DNAH11: variants seen among roughly 807,000 people sequenced by gnomAD.
DNAH11 encodes dynein axonemal heavy chain 11, also known as axonemal beta dynein heavy chain 11.
DNAH11 carries 442 observed loss-of-function variants against 526.0 expected under a neutral mutation model. The observed-to-expected ratio is 0.84, with a 90% confidence interval of 0.78 to 0.91. The LOEUF is 0.91. Ranked by LOEUF, DNAH11 falls within the 40% of genes least tolerant of loss-of-function variation. The pLI is 0.00. For synonymous variants in DNAH11, 2,461 were observed against 1,935.9 expected (o/e 1.27, Z -7.12); for missense variants, 6,989 against 5,448.7 (o/e 1.28, Z -8.90).
At chr7:21,717,131 A>C (rs906141067) in intron 42 of DNAH11, among the ~76,000 whole-genome samples, 11 of 152,202 alleles carry the variant, frequency 7.2e-5, no homozygotes, top group African/African-American at 2.4e-4. Flanking sequence ...TGTTTTACTG[A>C]TAAGTATTAT....
intron 11 of DNAH11, 44 bp from the exon 12 acceptor site, chr7:21,589,164 A>C (rs1414084416): frequency 7.1e-7 from 1 of 1,415,384 alleles, no homozygotes; most frequent in Non-Finnish European, 9.6e-7. Flanking sequence ...GCGGAAATCT[A>C]TCTAATATAC....
In DNAH11 at chr7:21,564,342, C is replaced by T. The variant is rs369736250; in HGVS notation, c.1139C>T (p.Thr380Ile). 5.6e-6 allele frequency: 9 copies of T among 1,613,416 alleles called. No individual in the cohort carries two copies. Among genetic ancestry groups the T allele is most frequent in the East Asian group, 2.2e-5 (1 of 44,868 alleles). ...LIWSHSKFYN[T>I]PARVIVLLQE... Reference sequence around the variant, plus strand: ...TGGAGTCATTCCAAGTTTTATAACACCCCAGCTCGGGTTATAGTTTTATTG... The same window carrying T: ...TGGAGTCATTCCAAGTTTTATAACATCCCAGCTCGGGTTATAGTTTTATTG... Residue 380 changes from threonine to isoleucine, a missense_variant, in exon 6 of 82, where the codon ACC (threonine) becomes ATC (isoleucine). Transcript: ENST00000409508.
intron 28 of DNAH11, among the ~76,000 whole-genome samples, chr7:21,653,106 C>T (rs1781858837): frequency 6.6e-6 from 1 of 152,116 alleles, no homozygotes; most frequent in Non-Finnish European, 1.5e-5. Context: ...GAACTCCTGA[C>T]CTCAGGTGAT....
chr7:21,801,561 A>T (rs574814521), intron 62 of DNAH11, among the ~76,000 whole-genome samples: 1 of 152,334 alleles, frequency 6.6e-6, no homozygotes, highest in African/African-American at 2.4e-5. Flanking sequence ...CCACTTTAAG[A>T]CAATGGAGTA....
intron 25 of DNAH11, among the ~76,000 whole-genome samples, chr7:21,631,691 C>A (rs896079634): frequency 6.6e-6 from 1 of 152,204 alleles, no homozygotes; most frequent in African/African-American, 2.4e-5. Context: ...AGGTGGGTTC[C>A]CACAGTCTTG....
chr7:21,551,146 A>C (rs1241546461), intron 2 of DNAH11, among the ~76,000 whole-genome samples: 2 of 152,096 alleles, frequency 1.3e-5, no homozygotes, highest in Non-Finnish European at 2.9e-5. Flanking sequence ...TCCCATCAAG[A>C]AGTACCCATT....
At chr7:21,873,221 T>C in intron 73 of DNAH11, 53 bp from the exon 74 acceptor site, 1 of 1,379,828 alleles carries the variant, frequency 7.2e-7, no homozygotes. Context: ...AATCTTATAA[T>C]TCAAGTAATA....
chr7:21,677,677 G>A (rs1022297881), intron 30 of DNAH11, among the ~76,000 whole-genome samples: 4 of 152,158 alleles, frequency 2.6e-5, no homozygotes, highest in African/African-American at 4.8e-5. Flanking sequence ...GAGCCATCAC[G>A]GCCAGCCTGT....
intron 30 of DNAH11, among the ~76,000 whole-genome samples, chr7:21,672,053 T>G (rs1051337645): frequency 6.6e-6 from 1 of 152,212 alleles, no homozygotes; most frequent in Non-Finnish European, 1.5e-5. Flanking sequence ...GGTCTCTTTG[T>G]CATTTCCTTT....
At chr7:21,628,515 A>T (rs1000542623) in intron 25 of DNAH11, among the ~76,000 whole-genome samples, 16 of 152,116 alleles carry the variant, frequency 1.1e-4, no homozygotes, top group Admixed American at 3.3e-4. Flanking sequence ...GTTGAATTTT[A>T]TCAAATGTCT....
chr7:21,696,796 A>G (rs1047693517), intron 35 of DNAH11, among the ~76,000 whole-genome samples: 2 of 152,206 alleles, frequency 1.3e-5, no homozygotes, highest in African/African-American at 4.8e-5. Flanking sequence ...TAAAATGAAG[A>G]TAAGAGGAGT....
At chr7:21,661,537 C>A (rs1420149235) in intron 30 of DNAH11, among the ~76,000 whole-genome samples, 1 of 151,510 alleles carries the variant, frequency 6.6e-6, no homozygotes, top group Non-Finnish European at 1.5e-5. Context: ...ATTATTTTTC[C>A]ATTGTAAGCT....
At chr7:21,621,511 C>T (rs1326270207) in intron 25 of DNAH11, among the ~76,000 whole-genome samples, 1 of 151,988 alleles carries the variant, frequency 6.6e-6, no homozygotes, top group Non-Finnish European at 1.5e-5. Context: ...CGGGCAGAGA[C>T]ACAACCAAAA....
rs554005418 is a variant in DNAH11 at position 21,899,264 on chromosome 7, C to G, written c.13050-72C>G. 28 of 1,256,872 alleles carry G rather than the reference C, an allele frequency of 2.2e-5. No homozygotes were observed. The African/African-American group carries it at 4.1e-4, about 18-fold the overall frequency. 77.9% of individuals were successfully genotyped at this position (1,256,872 alleles called of 1,614,324 possible). A position where few individuals can be genotyped will look rare whatever the true frequency, so the allele number is the denominator to read the frequency against. On this transcript the variant is annotated intron_variant, in intron 79 of 81. Transcript: ENST00000409508. ...CCACCACCACCCTGCCCTAACCGCC[C>G]ACAACAGAACATACTGGAAAATGGC... is the stretch of plus-strand genomic sequence containing the variant.
chr7:21,758,593 G>A (rs1223689495), intron 54 of DNAH11, among the ~76,000 whole-genome samples: 1 of 152,038 alleles, frequency 6.6e-6, no homozygotes, highest in East Asian at 1.9e-4. Context: ...ATGTACTTGA[G>A]AGATAAAGGT....
chr7:21,709,256 C>T (rs1458920041), intron 40 of DNAH11, among the ~76,000 whole-genome samples: 1 of 152,156 alleles, frequency 6.6e-6, no homozygotes, highest in Non-Finnish European at 1.5e-5. Flanking sequence ...AAAAGGACAA[C>T]ATCATGTTTT....
chr7:21,721,734 G>T (rs1289654258), intron 44 of DNAH11, among the ~76,000 whole-genome samples: 2 of 152,146 alleles, frequency 1.3e-5, no homozygotes, highest in African/African-American at 4.8e-5. Flanking sequence ...ATCACACTGT[G>T]GGGTAGGGCT....
intron 18 of DNAH11, among the ~76,000 whole-genome samples, chr7:21,601,911 G>T (rs1305546546): frequency 6.6e-6 from 1 of 151,056 alleles, no homozygotes. Context: ...GAACCTATGA[G>T]TTGCTTTTTT....
In DNAH11 at chr7:21,735,743, GA is replaced by G; in HGVS notation, c.7549del (p.Thr2517GlnfsTer4). 6.2e-7 allele frequency: 1 copy of G among 1,613,936 alleles called. No individual in the cohort carries two copies. The highest frequency in any genetic ancestry group is 8.5e-7 in the Non-Finnish European group (1 of 1,179,880). Reference protein sequence around the residue: ...PLMLVGNAGVGKTVFVGDTLA... With the variant: ...PLMLVGNAGVXKTVFVGDTLA... ...ATGCTAGTAGGAAATGCAGGAGTGG[GA>G]AAAACAGTCTTTGTAGGTGACACAT... On this transcript the variant is annotated frameshift_variant, in exon 46 of 82. Coordinates refer to ENST00000409508, the MANE Select transcript of DNAH11 (RefSeq NM_001277115.2). LOFTEE classifies it high-confidence loss of function.
Sources: gnomAD v4.1 joint callset for allele counts (sites outside exome capture counted in the v4.1 genomes callset) on GRCh38, gnomAD v4.1.1 for gene constraint, MANE v1.5 for transcripts, NCBI Gene and HGNC (gene_info 2026-07-23, HGNC 2026-07-21) for gene names.